Variants in CADPS2 observed in about 807,000 individuals in gnomAD.
CADPS2 encodes calcium dependent secretion activator 2.
In CADPS2, 93 loss-of-function variants were observed where a neutral mutation model predicts 172.5. The observed-to-expected ratio is 0.54, with a 90% CI of 0.46 to 0.64. CADPS2 has a LOEUF of 0.64. CADPS2 is among the 30% of genes least tolerant of loss of function. The pLI is 0.00. For missense variants in CADPS2, 1,420 were observed against 1,565.9 expected, an observed-to-expected ratio of 0.91 and a Z score of 1.57; for synonymous variants, 546 against 555.2, an observed-to-expected ratio of 0.98 and a Z score of 0.23.
intron 5 of CADPS2, among the ~76,000 whole-genome samples, chr7:122,618,354 G>C (rs1169732226): frequency 6.6e-6 from 1 of 151,876 alleles, no homozygotes; most frequent in Non-Finnish European, 1.5e-5. Flanking sequence ...AAACAAAAAA[G>C]AAAGAGAAAG....
At chr7:122,677,722 G>A (rs559778950) in intron 2 of CADPS2, among the ~76,000 whole-genome samples, 23 of 152,296 alleles carry the variant, frequency 1.5e-4, no homozygotes, top group African/African-American at 5.5e-4. Context: ...CAGCCAGAGT[G>A]TGGAAGAGTC....
At chr7:122,468,929 G>A (rs1403464964) in intron 14 of CADPS2, among the ~76,000 whole-genome samples, 2 of 152,106 alleles carry the variant, frequency 1.3e-5, no homozygotes, top group Non-Finnish European at 2.9e-5. Context: ...CCTCAATGCT[G>A]AATCAGAGAC....
chr7:122,622,785 A>G (rs1196356759), intron 4 of CADPS2, among the ~76,000 whole-genome samples: 2 of 152,214 alleles, frequency 1.3e-5, no homozygotes, highest in Non-Finnish European at 2.9e-5. Context: ...CCAGAAAAGC[A>G]CTGCCTTTAC....
At chr7:122,544,742 C>A (rs1453610133) in intron 8 of CADPS2, among the ~76,000 whole-genome samples, 7 of 152,122 alleles carry the variant, frequency 4.6e-5, no homozygotes, top group Admixed American at 4.6e-4. Context: ...CTGCTTCTGT[C>A]TCAGGGACCA....
At chr7:122,727,372 C>T (rs920825152) in intron 2 of CADPS2, among the ~76,000 whole-genome samples, 5 of 151,696 alleles carry the variant, frequency 3.3e-5, no homozygotes, top group Admixed American at 6.6e-5. Flanking sequence ...TTGGCAGCTA[C>T]CTAGCTTGGG....
At chr7:122,538,375 T>TA (rs1365127583) in intron 8 of CADPS2, among the ~76,000 whole-genome samples, 10 of 144,206 alleles carry the variant, frequency 6.9e-5, no homozygotes, top group South Asian at 2.2e-4. Flanking sequence ...TTTTTTTTTT[T>TA]AAAAACACAA....
intron 15 of CADPS2, among the ~76,000 whole-genome samples, chr7:122,443,614 A>ATAT (rs2051672094): frequency 1.4e-5 from 2 of 147,252 alleles, no homozygotes; most frequent in Non-Finnish European, 3.0e-5. Flanking sequence ...CCAAAGTGAT[A>ATAT]TATACACATA....
At chr7:122,503,824 A>G (rs2130539628) in intron 9 of CADPS2, among the ~76,000 whole-genome samples, 1 of 152,288 alleles carries the variant, frequency 6.6e-6, no homozygotes, top group African/African-American at 2.4e-5. Context: ...TGGGAAAAAA[A>G]GCCATCTCAT....
At chr7:122,765,557 T>C (rs76633099) in intron 1 of CADPS2, among the ~76,000 whole-genome samples, 2,271 of 152,240 alleles carry the variant, frequency 0.015, 53 homozygotes, top group African/African-American at 0.052. Context: ...TTCATGAACA[T>C]TGTTACAATG....
In CADPS2 at chr7:122,490,201, T is replaced by G. The variant is rs763882945; in HGVS notation, c.1732A>C (p.Arg578=). The G allele has an allele frequency of 6.2e-7, 1 of 1,613,480 alleles. No individual in the cohort carries two copies. The highest frequency in any genetic ancestry group is 1.7e-5 in the Admixed American group (1 of 59,988). Residue 578 remains arginine (R), a synonymous_variant, in exon 11 of 30, where the codon AGA becomes CGA. Coordinates refer to ENST00000449022, the MANE Select transcript of CADPS2 (RefSeq NM_017954.11). ...TACATGGCTTGAACCCATAATATTC[T>G]GTCCTGTTCATCATCACTGGCAAAG... is the stretch of plus-strand genomic sequence containing the variant. The part of the protein sequence containing the change: ...VIFASDDEQD[R]ILWVQAMYRA...
chr7:122,861,610 G>C (rs1185896734), intron 1 of CADPS2, among the ~76,000 whole-genome samples: 2 of 152,168 alleles, frequency 1.3e-5, no homozygotes, highest in East Asian at 3.9e-4. Context: ...AATCCTATTT[G>C]TCTATTTTTG....
intron 27 of CADPS2, among the ~76,000 whole-genome samples, chr7:122,357,050 T>C (rs2039500932): frequency 6.6e-6 from 1 of 152,214 alleles, no homozygotes; most frequent in South Asian, 2.1e-4. Context: ...AACGCATGCA[T>C]ATACATATAT....
In CADPS2 at chr7:122,753,065, T is replaced by C. The variant is rs984043709; in HGVS notation, c.340-15997A>G. Among the ~76,000 whole-genome samples, 3 of 152,130 alleles carry C rather than the reference T, an allele frequency of 2.0e-5. No individual in the cohort carries two copies. The East Asian group carries it at 5.8e-4, about 29-fold the overall frequency. On this transcript the variant is annotated intron_variant, in intron 1 of 29. Coordinates refer to ENST00000449022, the MANE Select transcript of CADPS2 (RefSeq NM_017954.11). ...ATATTCTGGCAGTAGATCAAAGTTA[T>C]TCAATGGCCCCGGGGTAAAATGATT...
intron 1 of CADPS2, among the ~76,000 whole-genome samples, chr7:122,860,377 C>T (rs982375380): frequency 6.6e-6 from 1 of 152,018 alleles, no homozygotes; most frequent in Non-Finnish European, 1.5e-5. Context: ...CAGGCATGTG[C>T]CACCACACCT....
At position 122,610,376 on chromosome 7, in the gene CADPS2, C is replaced by T. The variant is rs111822215; in HGVS notation, c.1223+4805G>A. ...TTCAGATAAAAGTTAATTGATCTCA[C>T]GAACCAAATATTTAAGTATCAATTA... On this transcript the variant is annotated intron_variant, in intron 6 of 29. Transcript: ENST00000449022. Among the ~76,000 whole-genome samples, 533 of 151,544 alleles carry T rather than the reference C, an allele frequency of 3.5e-3. 5 individuals are homozygous for T. Among genetic ancestry groups the T allele is most frequent in the African/African-American group, 0.012 (511 of 41,318 alleles).
chr7:122,683,869 T>C (rs1174137294), intron 2 of CADPS2, among the ~76,000 whole-genome samples: 1 of 152,066 alleles, frequency 6.6e-6, no homozygotes, highest in Non-Finnish European at 1.5e-5. Flanking sequence ...AAGACATGTA[T>C]ATGAGGTTCA....
In CADPS2 at chr7:122,393,581, T is replaced by G. The variant is rs1474843383; in HGVS notation, c.2748A>C (p.Thr916=). The change falls in exon 21 of 30, where the codon ACA becomes ACC. Residue 916 remains threonine (T), a splice_region_variant and synonymous_variant. Transcript: ENST00000449022. Reference sequence around the variant, plus strand: ...TGTGAAATTTTCCATTACACAAAAGTGCTGAAATAGCCAAGCAGAAACAGT... The same window carrying G: ...TGTGAAATTTTCCATTACACAAAAGGGCTGAAATAGCCAAGCAGAAACAGT... ...QLLNNFLRND[T]LLCNGKFHKH... The G allele has an allele frequency of 1.9e-6, 3 of 1,613,744 alleles. No homozygotes were observed. The South Asian group carries it at 3.3e-5, about 18-fold the overall frequency.
intron 24 of CADPS2, among the ~76,000 whole-genome samples, chr7:122,381,192 G>A (rs2042960110): frequency 6.6e-6 from 1 of 152,114 alleles, no homozygotes; most frequent in African/African-American, 2.4e-5. Context: ...CGATGGAGAA[G>A]CTTATGCAAA....
At chr7:122,552,508 CAA>C (rs2064430315) in intron 8 of CADPS2, among the ~76,000 whole-genome samples, 1 of 151,950 alleles carries the variant, frequency 6.6e-6, no homozygotes, top group African/African-American at 2.4e-5. Context: ...CTGATTTAGT[CAA>C]AGAGATGTGA....
Sources: gnomAD v4.1 joint callset for allele counts (sites outside exome capture counted in the v4.1 genomes callset) on GRCh38, gnomAD v4.1.1 for gene constraint, MANE v1.5 for transcripts, NCBI Gene and HGNC (gene_info 2026-07-23, HGNC 2026-07-21) for gene names.